Variants in FCER1G observed in about 807,000 individuals in gnomAD.
The protein encoded by FCER1G is Fc epsilon receptor Ig, also known as high affinity immunoglobulin epsilon receptor subunit gamma.
In FCER1G, 7 loss-of-function variants were observed where a neutral mutation model predicts 17.3. That is an observed-to-expected ratio of 0.40 (90% CI 0.23 to 0.76). FCER1G has a LOEUF of 0.76. Among genes scored for constraint, FCER1G ranks in the 30% least tolerant of loss-of-function variants. The pLI is 0.35. For synonymous variants in FCER1G, 35 were observed against 38.7 expected, an observed-to-expected ratio of 0.90 and a Z score of 0.35; for missense variants, 87 against 97.7, an observed-to-expected ratio of 0.89 and a Z score of 0.46.
In FCER1G at chr1:161,217,864, C is replaced by A. The variant is rs908427538; in HGVS notation, c.50-122C>A. ...GGAAGGCCAGAGAGAAACAGAATTT[C>A]TTCCCTTAGACGGCTCCCCTCCAGG... On this transcript the variant is annotated intron_variant, in intron 1 of 4. Transcript: ENST00000289902. 11 of 709,158 alleles carry A rather than the reference C, an allele frequency of 1.6e-5. No homozygotes were observed. The African/African-American group carries it at 1.8e-4, about 11-fold the overall frequency. 43.9% of individuals were successfully genotyped at this position (709,158 alleles called of 1,614,324 possible).
intron 1 of FCER1G, among the ~76,000 whole-genome samples, chr1:161,216,287 G>C (rs1367640428): frequency 6.6e-6 from 1 of 151,160 alleles, no homozygotes; most frequent in Non-Finnish European, 1.5e-5. Context: ...ACTCTAGCCT[G>C]GGGGACAGAG....
intron 1 of FCER1G, among the ~76,000 whole-genome samples, chr1:161,217,139 G>T (rs1558089619): frequency 6.6e-6 from 1 of 152,134 alleles, no homozygotes. Context: ...GTACTTGACC[G>T]ATGTCAGCAA....
chr1:161,216,585 G>T (rs147279125), intron 1 of FCER1G, among the ~76,000 whole-genome samples: 1 of 152,106 alleles, frequency 6.6e-6, no homozygotes, highest in African/African-American at 2.4e-5. Context: ...GATAATGAGG[G>T]TGGGCAGCAT....
chr1:161,218,355 C>A, intron 3 of FCER1G, 79 bp downstream of exon 3: 1 of 1,254,134 alleles, frequency 8.0e-7, no homozygotes, highest in Non-Finnish European at 1.2e-6. Context: ...GGTTTCCGGG[C>A]CTCTGGGAGG....
intron 1 of FCER1G, among the ~76,000 whole-genome samples, chr1:161,215,703 C>T (rs1306578193): frequency 6.6e-6 from 1 of 152,050 alleles, no homozygotes; most frequent in South Asian, 2.1e-4. Flanking sequence ...AGCGATTCTC[C>T]TGCCTCAGGC....
chr1:161,215,497 C>A, intron 1 of FCER1G, 127 bp downstream of exon 1: 1 of 824,692 alleles, frequency 1.2e-6, no homozygotes. Context: ...TAGGGAGACC[C>A]TGAGGCTAGT....
intron 1 of FCER1G, among the ~76,000 whole-genome samples, chr1:161,216,615 A>G (rs1410100098): frequency 6.6e-6 from 1 of 152,024 alleles, no homozygotes; most frequent in African/African-American, 2.4e-5. Flanking sequence ...AGTTCCAGAG[A>G]CCTGAGCGTC....
intron 1 of FCER1G, among the ~76,000 whole-genome samples, chr1:161,215,855 G>C (rs1022214787): frequency 6.6e-6 from 1 of 152,056 alleles, no homozygotes; most frequent in Non-Finnish European, 1.5e-5. Flanking sequence ...ACCTCCCAAA[G>C]TGCTGGGATT....
At chr1:161,218,423 TAGCCA>T (rs1666093039) in intron 3 of FCER1G, 147 bp downstream of exon 3, 2 of 729,902 alleles carry the variant, frequency 2.7e-6, no homozygotes, top group Admixed American at 4.4e-5. Flanking sequence ...CCACCTTACC[TAGCCA>T]AGCCACAAGT....
In FCER1G at chr1:161,215,309, T is replaced by C; in HGVS notation, c.-13T>C. The stretch of plus-strand genomic sequence containing the variant: ...TGCACAGTGCTGTCAGAACGGCCGA[T>C]CTCCAGCCCAAGATGATTCCAGCAG... On this transcript the variant is annotated 5_prime_UTR_variant, in exon 1 of 5. Coordinates refer to ENST00000289902, the MANE Select transcript of FCER1G (RefSeq NM_004106.2). 3.7e-6 allele frequency: 6 copies of C among 1,613,560 alleles called. No homozygotes were observed. Among genetic ancestry groups the C allele is most frequent in the Non-Finnish European group, 5.1e-6 (6 of 1,179,640 alleles).
chr1:161,218,858 C>G lies in FCER1G; in HGVS notation c.199-23C>G, dbSNP rs1018104023. The G allele has an allele frequency of 2.5e-6, 4 of 1,609,328 alleles. No homozygotes were observed. The Admixed American group carries it at 6.7e-5, about 27-fold the overall frequency. On this transcript the variant is annotated intron_variant, in intron 4 of 4. Transcript: ENST00000289902. ...CCTCTGATGGACTCCAGCTCCTGATCGCCCTTTGACTCCCATCTCCAGGGC... is the reference window on the plus strand; with the variant it reads ...CCTCTGATGGACTCCAGCTCCTGATGGCCCTTTGACTCCCATCTCCAGGGC...
Position 161,218,958 on chromosome 1 carries a change from C to T in FCER1G, c.*15C>T, listed in dbSNP as rs748150116. The T allele has an allele frequency of 1.1e-5, 18 of 1,601,462 alleles. No individual in the cohort carries two copies. Among genetic ancestry groups the T allele is most frequent in the African/African-American group, 5.4e-5 (4 of 74,744 alleles). ...CACCACAGTAGCTTTAGAATAGATG[C>T]GGTCATATTCTTCTTTGGCTTCTGG... On this transcript the variant is annotated 3_prime_UTR_variant, in exon 5 of 5. Transcript: ENST00000289902.
intron 3 of FCER1G, among the ~76,000 whole-genome samples, 197 bp downstream of exon 3, chr1:161,218,473 A>G (rs1034964075): frequency 3.3e-5 from 5 of 152,170 alleles, no homozygotes; most frequent in Non-Finnish European, 1.5e-5. Context: ...AGAATCAAGC[A>G]TAGAGTGATA....
chr1:161,218,943 G>C lies in FCER1G; in HGVS notation c.261G>C (p.Ter87TyrextTer2). Residue 87 changes from the stop codon to tyrosine, a stop_lost, in exon 5 of 5, where the codon TAG (stop) becomes TAC (tyrosine). Coordinates refer to ENST00000289902, the MANE Select transcript of FCER1G (RefSeq NM_004106.2). ...TGAAGCATGAGAAACCACCACAGTA[G>C]CTTTAGAATAGATGCGGTCATATTC... The part of the protein sequence containing the change: ...ETLKHEKPPQ[*>Y] The C allele has an allele frequency of 6.2e-7, 1 of 1,611,788 alleles. No homozygotes were observed. The highest frequency in any genetic ancestry group is 8.5e-7 in the Non-Finnish European group (1 of 1,177,870).
intron 1 of FCER1G, among the ~76,000 whole-genome samples, chr1:161,215,731 T>C (rs1666023537): frequency 1.3e-5 from 2 of 152,066 alleles, no homozygotes; most frequent in Admixed American, 6.6e-5. Flanking sequence ...TAGCTGGGAC[T>C]ACAGGTGCCC....
At chr1:161,217,948 G>T in intron 1 of FCER1G, 38 bp from the exon 2 acceptor site, 1 of 1,416,586 alleles carries the variant, frequency 7.1e-7, no homozygotes, top group South Asian at 1.1e-5. Flanking sequence ...GATCCTCCCT[G>T]ATACCCCCGA....
intron 1 of FCER1G, among the ~76,000 whole-genome samples, chr1:161,217,372 A>G (rs796811743): frequency 2.6e-5 from 4 of 151,490 alleles, no homozygotes; most frequent in African/African-American, 9.7e-5. Flanking sequence ...AAGGTCTGGG[A>G]AAAACAGACA....
In FCER1G at chr1:161,218,346, G is replaced by A; in HGVS notation, c.177+70G>A. 1.0e-5 allele frequency: 14 copies of A among 1,356,654 alleles called. No individual in the cohort carries two copies. In the South Asian group the frequency reaches 1.6e-4, roughly 16 times the overall value. The allele number at this position is 1,356,654 out of a possible 1,614,324, so 84.0% of individuals were successfully genotyped here. A position where few individuals can be genotyped will look rare whatever the true frequency, so the allele number is the denominator to read the frequency against. On this transcript the variant is annotated intron_variant, in intron 3 of 4. Coordinates refer to ENST00000289902, the MANE Select transcript of FCER1G (RefSeq NM_004106.2). ...CAGCCCTCCTGGGGCTCTAGCCTGG[G>A]TTTCCGGGCCTCTGGGAGGGCCTGC... is the stretch of plus-strand genomic sequence containing the variant.
In FCER1G at chr1:161,218,069, C is replaced by G. The variant is rs752641092; in HGVS notation, c.133C>G (p.Arg45Gly). 1 of 1,612,594 alleles carries G rather than the reference C, an allele frequency of 6.2e-7. No homozygotes were observed. ...YGIVLTLLYC[R>G]LKIQVRKAAI... ...AATTGTCCTCACCCTCCTCTACTGTCGACTGAAGGTAGCGCTGGGCAGGGT... is the reference window on the plus strand; with the variant it reads ...AATTGTCCTCACCCTCCTCTACTGTGGACTGAAGGTAGCGCTGGGCAGGGT... Residue 45 changes from arginine (R) to glycine (G), a missense_variant, in exon 2 of 5, where the codon CGA becomes GGA. By Grantham distance (125) the Arg-to-Gly change is moderately radical. Coordinates refer to ENST00000289902, the MANE Select transcript of FCER1G (RefSeq NM_004106.2).
Sources: allele counts gnomAD v4.1 joint callset (sites outside exome capture counted in the v4.1 genomes callset), GRCh38; gene constraint gnomAD v4.1.1; transcripts MANE v1.5; gene names NCBI Gene and HGNC (gene_info 2026-07-23, HGNC 2026-07-21).